The following PLD1 variants were observed in gnomAD, a reference collection of about 807,000 sequenced individuals.
PLD1 encodes phospholipase D1.
In PLD1, 112 loss-of-function variants were observed where a neutral mutation model predicts 137.1. The observed-to-expected ratio is 0.82, with a 90% CI of 0.70 to 0.96. The LOEUF (loss-of-function observed/expected upper bound fraction) is 0.96. PLD1 is among the 40% of genes least tolerant of loss of function. The probability of loss-of-function intolerance (pLI) is 0.00; values close to 1 mark genes in which losing one functional copy is unlikely to be tolerated. For synonymous variants in PLD1, 431 were observed against 454.7 expected (o/e 0.95, Z 0.66); for missense variants, 1,321 against 1,342.0 (o/e 0.98, Z 0.24).
At position 171,686,676 on chromosome 3, in the gene PLD1, A is replaced by G; in HGVS notation, c.1867+9T>C. On this transcript the variant is annotated intron_variant, in intron 16 of 26. Transcript: ENST00000351298. Reference sequence around the variant, plus strand: ...CTAAGGGAGTTCTGCCACTTCACAAATTACTTACCAGCATGAGGTCTAGTG... The same window carrying G: ...CTAAGGGAGTTCTGCCACTTCACAAGTTACTTACCAGCATGAGGTCTAGTG... 1 of 1,411,582 alleles carries G rather than the reference A, an allele frequency of 7.1e-7. No individual in the cohort carries two copies. The highest frequency in any genetic ancestry group is 1.4e-5 in the African/African-American group (1 of 70,196). 87.4% of individuals were successfully genotyped at this position (1,411,582 alleles called of 1,614,324 possible).
chr3:171,787,137 T>C (rs1281363595), intron 1 of PLD1, among the ~76,000 whole-genome samples: 2 of 152,126 alleles, frequency 1.3e-5, no homozygotes, highest in Non-Finnish European at 2.9e-5. Flanking sequence ...AAGCTTACAG[T>C]TGAATTCTCT....
chr3:171,798,794 G>A (rs759041477), intron 1 of PLD1, among the ~76,000 whole-genome samples: 21 of 152,248 alleles, frequency 1.4e-4, no homozygotes, highest in Admixed American at 5.2e-4. Context: ...TTACCTGACC[G>A]TCCTGAGAGC....
At chr3:171,629,316 G>A (rs1734442595) in intron 23 of PLD1, among the ~76,000 whole-genome samples, 1 of 151,670 alleles carries the variant, frequency 6.6e-6, no homozygotes, top group South Asian at 2.1e-4. Context: ...GGACGTGAAG[G>A]ACCTCTTCAA....
chr3:171,717,933 T>C (rs1435265486), intron 8 of PLD1, among the ~76,000 whole-genome samples: 1 of 152,216 alleles, frequency 6.6e-6, no homozygotes, highest in East Asian at 1.9e-4. Flanking sequence ...GTTGTTAAAA[T>C]GAAGGATGTT....
chr3:171,723,924 A>G (rs1270782033), intron 8 of PLD1, among the ~76,000 whole-genome samples: 1 of 151,878 alleles, frequency 6.6e-6, no homozygotes. Context: ...CACTTTGTTG[A>G]CTGTTTCCTT....
chr3:171,647,412 GT>G (rs1371836515), intron 21 of PLD1, among the ~76,000 whole-genome samples: 1 of 150,500 alleles, frequency 6.6e-6, no homozygotes, highest in Non-Finnish European at 1.5e-5. Context: ...ACATTTTATT[GT>G]GGTAAAATAC....
At chr3:171,751,663 A>G (rs1405119782) in intron 1 of PLD1, among the ~76,000 whole-genome samples, 1 of 152,236 alleles carries the variant, frequency 6.6e-6, no homozygotes, top group Non-Finnish European at 1.5e-5. Context: ...TGGTGAGGAA[A>G]TGGAACTCTC....
intron 19 of PLD1, among the ~76,000 whole-genome samples, chr3:171,667,731 G>T (rs918847790): frequency 6.6e-6 from 1 of 152,148 alleles, no homozygotes; most frequent in Non-Finnish European, 1.5e-5. Flanking sequence ...AAGCCAAACT[G>T]CTTAGAAGCA....
At chr3:171,690,462 C>A (rs1715034758) in intron 13 of PLD1, among the ~76,000 whole-genome samples, 1 of 151,886 alleles carries the variant, frequency 6.6e-6, no homozygotes, top group African/African-American at 2.4e-5. Flanking sequence ...ATTTTGAGAT[C>A]TTTCTTCTTC....
chr3:171,719,102 G>T (rs562642214), intron 8 of PLD1, among the ~76,000 whole-genome samples: 1 of 152,164 alleles, frequency 6.6e-6, no homozygotes, highest in Non-Finnish European at 1.5e-5. Flanking sequence ...TCTTCTTTGG[G>T]CTCTATCGTT....
intron 1 of PLD1, among the ~76,000 whole-genome samples, chr3:171,797,523 G>C (rs1229985879): frequency 6.6e-6 from 1 of 151,972 alleles, no homozygotes; most frequent in East Asian, 1.9e-4. Context: ...AGCCCTCCAG[G>C]GATTCTGGTG....
At chr3:171,609,138 T>C (rs553565916) in intron 25 of PLD1, among the ~76,000 whole-genome samples, 1 of 152,152 alleles carries the variant, frequency 6.6e-6, no homozygotes, top group South Asian at 2.1e-4. Flanking sequence ...CATAAAAAAA[T>C]GCTGAACATC....
intron 23 of PLD1, among the ~76,000 whole-genome samples, chr3:171,639,968 A>G (rs1735604841): frequency 6.6e-6 from 1 of 150,844 alleles, no homozygotes; most frequent in African/African-American, 2.4e-5. Flanking sequence ...AACTGTTCAT[A>G]GTATTCTACA....
chr3:171,663,725 A>C (rs571184186), intron 19 of PLD1, among the ~76,000 whole-genome samples: 1 of 152,344 alleles, frequency 6.6e-6, no homozygotes, highest in East Asian at 1.9e-4. Context: ...GTAGGTGCTT[A>C]AACAATAGCA....
At chr3:171,686,550 G>A in intron 16 of PLD1, 135 bp downstream of exon 16, 1 of 629,892 alleles carries the variant, frequency 1.6e-6, no homozygotes. Context: ...CACAGAGCAG[G>A]CTCTCAATAA....
intron 23 of PLD1, among the ~76,000 whole-genome samples, chr3:171,639,588 A>AATATATATTATATAT: frequency 1.0e-5 from 1 of 97,758 alleles, no homozygotes; most frequent in African/African-American, 4.7e-5. Flanking sequence ...ATATTCATAT[A>AATATATATTATATAT]ATATATATTC....
At chr3:171,633,095 C>T (rs1433248557) in intron 23 of PLD1, among the ~76,000 whole-genome samples, 1 of 152,114 alleles carries the variant, frequency 6.6e-6, no homozygotes, top group Non-Finnish European at 1.5e-5. Flanking sequence ...GCGAGTGTGG[C>T]CTGTCAAATG....
At chr3:171,707,381 C>T (rs531515654) in intron 11 of PLD1, among the ~76,000 whole-genome samples, 1 of 152,188 alleles carries the variant, frequency 6.6e-6, no homozygotes, top group African/African-American at 2.4e-5. Flanking sequence ...TTTAGTCTCT[C>T]TCACATCTTC....
chr3:171,674,979 C>CAAAAA (rs376402019), intron 18 of PLD1, among the ~76,000 whole-genome samples: 37 of 74,918 alleles, frequency 4.9e-4, no homozygotes, highest in South Asian at 7.2e-4. Flanking sequence ...ATCTCCATCT[C>CAAAAA]AAAAAAAAAA....
Sources: allele counts gnomAD v4.1 joint callset (sites outside exome capture counted in the v4.1 genomes callset), GRCh38; gene constraint gnomAD v4.1.1; transcripts MANE v1.5; gene names NCBI Gene and HGNC (gene_info 2026-07-23, HGNC 2026-07-21).